FRMPD2: variants seen among roughly 807,000 people sequenced by gnomAD.
The protein encoded by FRMPD2 is FERM and PDZ domain containing 2, also known as FERM and PDZ domain-containing protein 2.
FRMPD2 carries 96 observed loss-of-function variants against 140.1 expected under a neutral mutation model. The observed-to-expected ratio is 0.69, with a 90% CI of 0.58 to 0.81. The LOEUF is 0.81. FRMPD2 is among the 40% of genes least tolerant of loss of function. FRMPD2 has a pLI of 0.00. For synonymous variants in FRMPD2, 449 were observed against 547.6 expected (o/e 0.82, Z 2.52); for missense variants, 1,240 against 1,447.4 (o/e 0.86, Z 2.32).
At chr10:48,269,169 C>T (rs1588863899) in intron 1 of FRMPD2, among the ~76,000 whole-genome samples, 1 of 152,082 alleles carries the variant, frequency 6.6e-6, no homozygotes, top group Non-Finnish European at 1.5e-5. Context: ...AACAAAACAG[C>T]AATGAGAATT....
At chr10:48,226,273 T>C (rs1169150834) in intron 10 of FRMPD2, among the ~76,000 whole-genome samples, 1 of 152,194 alleles carries the variant, frequency 6.6e-6, no homozygotes, top group Non-Finnish European at 1.5e-5. Context: ...AATGCAAATA[T>C]CTCAAAGCTA....
chr10:48,238,292 G>C (rs1050638661), intron 7 of FRMPD2, among the ~76,000 whole-genome samples, 169 bp from the exon 8 acceptor site: 2 of 152,168 alleles, frequency 1.3e-5, no homozygotes, highest in African/African-American at 4.8e-5. Context: ...GGGGGAAGCT[G>C]AGGCCTGGAG....
chr10:48,264,676 G>A (rs1457353749), intron 1 of FRMPD2, among the ~76,000 whole-genome samples: 1 of 152,048 alleles, frequency 6.6e-6, no homozygotes, highest in Admixed American at 6.5e-5. Flanking sequence ...TAAAGGAAGA[G>A]TATTCTATGT....
chr10:48,183,521 A>G (rs917208313), intron 20 of FRMPD2, among the ~76,000 whole-genome samples: 2 of 152,176 alleles, frequency 1.3e-5, no homozygotes, highest in Non-Finnish European at 2.9e-5. Context: ...GAACATGCAC[A>G]TCAAGTAAGA....
intron 2 of FRMPD2, among the ~76,000 whole-genome samples, chr10:48,250,958 G>A (rs1840365025): frequency 1.5e-5 from 2 of 137,136 alleles, no homozygotes; most frequent in African/African-American, 7.2e-5. Flanking sequence ...AACCATACCT[G>A]GCAAATTTTT....
At chr10:48,159,474 C>T (rs1837876278) in intron 28 of FRMPD2, among the ~76,000 whole-genome samples, 1 of 151,606 alleles carries the variant, frequency 6.6e-6, no homozygotes, top group Non-Finnish European at 1.5e-5. Context: ...CCCTCAGCCA[C>T]ACTCCAACCC....
intron 1 of FRMPD2, among the ~76,000 whole-genome samples, chr10:48,258,400 C>A (rs887056109): frequency 1.3e-5 from 2 of 152,332 alleles, no homozygotes; most frequent in Non-Finnish European, 1.5e-5. Context: ...CCCTTCCCTG[C>A]CCTGTTTTCT....
chr10:48,194,396 T>C (rs915162468), intron 15 of FRMPD2, among the ~76,000 whole-genome samples: 2 of 152,018 alleles, frequency 1.3e-5, no homozygotes, highest in Non-Finnish European at 2.9e-5. Flanking sequence ...CAGGGGAGAT[T>C]TATCTGAGAC....
chr10:48,194,388 G>T (rs1197567779), intron 15 of FRMPD2, among the ~76,000 whole-genome samples: 1 of 152,178 alleles, frequency 6.6e-6, no homozygotes, highest in African/African-American at 2.4e-5. Context: ...GACAGCAGCA[G>T]GGGAGATTTA....
intron 1 of FRMPD2, among the ~76,000 whole-genome samples, chr10:48,264,583 T>C (rs545322016): frequency 6.6e-6 from 1 of 152,208 alleles, no homozygotes; most frequent in African/African-American, 2.4e-5. Context: ...TAACAAAATA[T>C]GTATAAGATC....
chr10:48,270,930 T>G (rs1306276119), intron 1 of FRMPD2, among the ~76,000 whole-genome samples: 1 of 152,134 alleles, frequency 6.6e-6, no homozygotes, highest in Non-Finnish European at 1.5e-5. Flanking sequence ...GAATGACCAC[T>G]GAAATGTAAA....
chr10:48,262,224 T>C (rs761346707), intron 1 of FRMPD2, among the ~76,000 whole-genome samples: 11 of 152,070 alleles, frequency 7.2e-5, no homozygotes, highest in Non-Finnish European at 1.5e-4. Flanking sequence ...CCCCTTTAAA[T>C]ATGAAGGCAC....
At chr10:48,212,181 A>G (rs993639897) in intron 12 of FRMPD2, 72 bp from the exon 13 acceptor site, 3 of 1,476,156 alleles carry the variant, frequency 2.0e-6, no homozygotes, top group Non-Finnish European at 2.8e-6. Flanking sequence ...GAATGAAAAC[A>G]TTATCTGTAG....
At chr10:48,223,907 G>A (rs1257461578) in intron 10 of FRMPD2, among the ~76,000 whole-genome samples, 1 of 152,206 alleles carries the variant, frequency 6.6e-6, no homozygotes, top group Middle Eastern at 3.2e-3. Context: ...AAGCCAGAAA[G>A]AGGACCCCAC....
chr10:48,273,877 T>C (rs1312648231), intron 1 of FRMPD2, among the ~76,000 whole-genome samples: 2 of 150,234 alleles, frequency 1.3e-5, no homozygotes, highest in Non-Finnish European at 2.9e-5. Context: ...TGAACTCAAT[T>C]GTTGCTTTAA....
At chr10:48,182,265 G>A (rs769008) in intron 20 of FRMPD2, among the ~76,000 whole-genome samples, 92,368 of 152,018 alleles carry the variant, frequency 0.61, 28,453 homozygotes, top group Middle Eastern at 0.66. Context: ...TTCTGGCAGT[G>A]TCATAAGCAT....
chr10:48,252,116 T>G (rs1336511121), intron 1 of FRMPD2, among the ~76,000 whole-genome samples: 1 of 152,178 alleles, frequency 6.6e-6, no homozygotes, highest in Admixed American at 6.5e-5. Context: ...CAGTACGTGA[T>G]TCACATCTTT....
At chr10:48,158,263 T>G (rs1304069182) in intron 28 of FRMPD2, among the ~76,000 whole-genome samples, 5 of 145,162 alleles carry the variant, frequency 3.4e-5, no homozygotes, top group Non-Finnish European at 7.6e-5. Flanking sequence ...TTGGCCATCA[T>G]CCCACCACAA....
rs1004473928 is a variant in FRMPD2, at chr10:48,253,436, A to G, written c.26-1745T>C. ...AACAGCTGATTTCTCATCAAAAACC[A>G]TGGAGACCAAAAGGCAGTTGGATGA... On this transcript the variant is annotated intron_variant, in intron 1 of 28. Transcript: ENST00000374201. 9.7e-4 allele frequency among the ~76,000 whole-genome samples: 148 copies of G among 152,240 alleles called. 1 individual carries two copies. Among genetic ancestry groups the G allele is most frequent in the African/African-American group, 3.5e-3 (144 of 41,462 alleles).
Sources: gnomAD v4.1 joint callset for allele counts (sites outside exome capture counted in the v4.1 genomes callset) on GRCh38, gnomAD v4.1.1 for gene constraint, MANE v1.5 for transcripts, NCBI Gene and HGNC (gene_info 2026-07-23, HGNC 2026-07-21) for gene names.